Variants in FOXO1 observed in about 807,000 individuals in gnomAD.
FOXO1 encodes the protein forkhead box O1, also known as forkhead box protein O1.
Under a neutral mutation model 44.1 loss-of-function variants are expected in FOXO1, and 6 were observed. The observed-to-expected ratio is 0.14, with a 90% CI of 0.07 to 0.27. The LOEUF (loss-of-function observed/expected upper bound fraction) is 0.27, where lower values mean the gene tolerates loss of function less well. Ranked by LOEUF, FOXO1 falls within the 10% of genes least tolerant of loss-of-function variation. The pLI is 1.00. For synonymous variants in FOXO1, 380 were observed against 362.7 expected (o/e 1.05, Z -0.54); for missense variants, 737 against 888.8 (o/e 0.83, Z 2.17).
intron 1 of FOXO1, among the ~76,000 whole-genome samples, chr13:40,586,179 TAAC>T (rs1337665514): frequency 9.8e-5 from 15 of 152,318 alleles, no homozygotes; most frequent in African/African-American, 3.6e-4. Context: ...CTGTAAATAA[TAAC>T]AAAACAGTCT....
chr13:40,654,322 TAAAA>T (rs11344939), intron 1 of FOXO1, among the ~76,000 whole-genome samples: 6 of 48,196 alleles, frequency 1.2e-4, no homozygotes, highest in Non-Finnish European at 2.1e-4. Flanking sequence ...CTAAAAATAC[TAAAA>T]AAAAAAAAAA....
chr13:40,559,795 G>A lies in FOXO1; in HGVS notation c.1696C>T (p.Leu566=). ...TQVKTPVQVP[L]PHPMQMSALG... is the part of the protein sequence containing the mutation. ...GCACTCATCTGCATGGGGTGGGGCAGAGGCACTTGTACAGGTGTCTTCACT... is the reference window on the plus strand; with the variant it reads ...GCACTCATCTGCATGGGGTGGGGCAAAGGCACTTGTACAGGTGTCTTCACT... The change falls in exon 2 of 3, where the codon CTG becomes TTG. Residue 566 remains leucine, a synonymous_variant. Coordinates refer to ENST00000379561, the MANE Select transcript of FOXO1 (RefSeq NM_002015.4). 4 of 1,613,944 alleles carry A rather than the reference G, an allele frequency of 2.5e-6. No homozygotes were observed. In the South Asian group the frequency reaches 3.3e-5, roughly 13 times the overall value.
chr13:40,650,735 GC>G (rs1263914814), intron 1 of FOXO1, among the ~76,000 whole-genome samples: 1 of 152,090 alleles, frequency 6.6e-6, no homozygotes, highest in Non-Finnish European at 1.5e-5. Flanking sequence ...CTCTTGTTTA[GC>G]TTTGGTTTTT....
At chr13:40,654,596 G>A (rs1877799713) in intron 1 of FOXO1, among the ~76,000 whole-genome samples, 1 of 151,974 alleles carries the variant, frequency 6.6e-6, no homozygotes, top group African/African-American at 2.4e-5. Flanking sequence ...TTTAGGTCTC[G>A]AAGATCTGTA....
intron 1 of FOXO1, among the ~76,000 whole-genome samples, chr13:40,658,674 G>A (rs1593418721): frequency 6.6e-6 from 1 of 152,166 alleles, no homozygotes; most frequent in East Asian, 1.9e-4. Context: ...CCATTGTAAT[G>A]GAATCCAAGA....
At chr13:40,582,316 G>T (rs1041176365) in intron 1 of FOXO1, among the ~76,000 whole-genome samples, 1 of 152,158 alleles carries the variant, frequency 6.6e-6, no homozygotes, top group African/African-American at 2.4e-5. Context: ...TCGGTTGCTG[G>T]AGGGCCTTTG....
intron 1 of FOXO1, chr13:40,619,067 C>T (rs1876519024): frequency 4.4e-6 from 2 of 452,450 alleles, no homozygotes; most frequent in African/African-American, 2.0e-5. Context: ...GGGTGGATCA[C>T]GAGGTCTGGA....
chr13:40,646,654 C>T (rs1335489838), intron 1 of FOXO1, among the ~76,000 whole-genome samples: 2 of 152,098 alleles, frequency 1.3e-5, no homozygotes, highest in Admixed American at 6.5e-5. Flanking sequence ...AGTGCAGTGG[C>T]GCAATCTCAG....
intron 1 of FOXO1, among the ~76,000 whole-genome samples, chr13:40,621,754 C>G (rs1052570924): frequency 2.0e-5 from 3 of 152,150 alleles, no homozygotes; most frequent in African/African-American, 7.2e-5. Flanking sequence ...TCTAAATAAG[C>G]TTTTCATTAA....
At chr13:40,625,334 A>G (rs868260265) in intron 1 of FOXO1, among the ~76,000 whole-genome samples, 9 of 152,210 alleles carry the variant, frequency 5.9e-5, no homozygotes, top group Non-Finnish European at 8.8e-5. Context: ...CTCTTTCTCC[A>G]CCTAAAGAAA....
chr13:40,651,272 GT>G (rs1566085455), intron 1 of FOXO1, among the ~76,000 whole-genome samples: 1 of 151,962 alleles, frequency 6.6e-6, no homozygotes, highest in Non-Finnish European at 1.5e-5. Context: ...TAAAAAGTAC[GT>G]TCTAGGTACA....
intron 1 of FOXO1, among the ~76,000 whole-genome samples, chr13:40,654,334 A>AAT (rs1429303204): frequency 2.6e-5 from 3 of 116,550 alleles, no homozygotes; most frequent in Non-Finnish European, 5.2e-5. Flanking sequence ...AAAAAAAAAA[A>AAT]AAAAAAAAAA....
intron 1 of FOXO1, among the ~76,000 whole-genome samples, chr13:40,615,876 G>A (rs370296873): frequency 1.3e-5 from 2 of 152,230 alleles, no homozygotes; most frequent in East Asian, 1.9e-4. Context: ...AGTCTGCTGC[G>A]AGAACCTCAG....
intron 1 of FOXO1, among the ~76,000 whole-genome samples, chr13:40,633,511 C>T (rs573407514): frequency 1.3e-5 from 2 of 152,160 alleles, no homozygotes; most frequent in East Asian, 3.9e-4. Flanking sequence ...TCAAAGAAGC[C>T]AGTCAAAGGA....
intron 1 of FOXO1, among the ~76,000 whole-genome samples, chr13:40,595,780 A>G (rs1421607588): frequency 2.0e-5 from 3 of 151,780 alleles, no homozygotes; most frequent in Admixed American, 2.0e-4. Flanking sequence ...ATCACCTCAA[A>G]CATTTGTCAT....
intron 1 of FOXO1, among the ~76,000 whole-genome samples, chr13:40,590,729 G>A (rs144497921): frequency 5.6e-4 from 86 of 152,264 alleles, no homozygotes; most frequent in Middle Eastern, 6.8e-3. Context: ...AACATACCAC[G>A]CTGGACTAAT....
chr13:40,632,932 A>G (rs1396162767), intron 1 of FOXO1, among the ~76,000 whole-genome samples: 1 of 151,926 alleles, frequency 6.6e-6, no homozygotes, highest in African/African-American at 2.4e-5. Context: ...AAAAAGGAAA[A>G]GAAAAAAAAA....
chr13:40,631,687 A>C (rs1392725207), intron 1 of FOXO1, among the ~76,000 whole-genome samples: 1 of 152,162 alleles, frequency 6.6e-6, no homozygotes, highest in African/African-American at 2.4e-5. Context: ...ATAGGATTCC[A>C]CTCCTATAAA....
At chr13:40,576,720 A>T (rs1412048785) in intron 1 of FOXO1, among the ~76,000 whole-genome samples, 3 of 152,210 alleles carry the variant, frequency 2.0e-5, no homozygotes, top group Non-Finnish European at 4.4e-5. Context: ...ATTGTTTTCA[A>T]ACTTACGGCA....
Sources: gnomAD v4.1 joint callset for allele counts (sites outside exome capture counted in the v4.1 genomes callset) on GRCh38, gnomAD v4.1.1 for gene constraint, MANE v1.5 for transcripts, NCBI Gene and HGNC (gene_info 2026-07-23, HGNC 2026-07-21) for gene names.